SIM2: variants seen among roughly 807,000 people sequenced by gnomAD.
The protein encoded by SIM2 is single-minded homolog 2.
A neutral mutation model predicts 64.8 loss-of-function variants in SIM2; 28 were observed. That is an observed-to-expected ratio of 0.43 (90% confidence interval 0.32 to 0.59). SIM2 has a LOEUF of 0.59. Ranked by LOEUF, SIM2 falls within the 20% of genes least tolerant of loss-of-function variation. The pLI, the probability that SIM2 is intolerant of heterozygous loss-of-function variation, is 0.07. For missense variants in SIM2, 847 were observed against 871.4 expected, an observed-to-expected ratio of 0.97 and a Z score of 0.35; for synonymous variants, 408 against 391.1, an observed-to-expected ratio of 1.04 and a Z score of -0.51.
chr21:36,720,040 A>C, intron 4 of SIM2, 111 bp downstream of exon 4: 3 of 748,766 alleles, frequency 4.0e-6, no homozygotes, highest in Non-Finnish European at 7.0e-6. Flanking sequence ...CATGACTAGG[A>C]CTGCCCAGCC....
chr21:36,721,702 C>T (rs533350896), intron 4 of SIM2, among the ~76,000 whole-genome samples: 1 of 152,232 alleles, frequency 6.6e-6, no homozygotes, highest in East Asian at 1.9e-4. Flanking sequence ...TCCCAAAGTG[C>T]TGGGATTACA....
At chr21:36,712,229 A>T (rs185449147) in intron 2 of SIM2, among the ~76,000 whole-genome samples, 5 of 152,338 alleles carry the variant, frequency 3.3e-5, no homozygotes, top group Middle Eastern at 3.4e-3. Context: ...CCCAAACAAT[A>T]AAGCTACTAC....
At chr21:36,713,952 A>T (rs549900058) in intron 3 of SIM2, among the ~76,000 whole-genome samples, 1 of 152,346 alleles carries the variant, frequency 6.6e-6, no homozygotes, top group Admixed American at 6.5e-5. Context: ...AAGGCTTGGC[A>T]CTTGTGCCTA....
intron 9 of SIM2, 115 bp downstream of exon 9, chr21:36,743,670 G>A (rs1306313426): frequency 2.2e-5 from 22 of 1,016,456 alleles, no homozygotes; most frequent in South Asian, 1.1e-4. Context: ...TCTCCCTGCC[G>A]TGGAGCAAGG....
At chr21:36,731,235 T>C in intron 7 of SIM2, 84 bp downstream of exon 7, 1 of 924,410 alleles carries the variant, frequency 1.1e-6, no homozygotes. Context: ...CGTGTCCCTT[T>C]TGTTGGTGCA....
At chr21:36,700,303 T>C (rs368411049) in intron 1 of SIM2, among the ~76,000 whole-genome samples, 2 of 149,722 alleles carry the variant, frequency 1.3e-5, no homozygotes, top group African/African-American at 5.1e-5. Context: ...TTCTTTCCTT[T>C]CTTTCTTTCT....
intron 7 of SIM2, among the ~76,000 whole-genome samples, chr21:36,734,779 G>A (rs569630184): frequency 2.6e-5 from 4 of 152,184 alleles, no homozygotes; most frequent in Non-Finnish European, 5.9e-5. Context: ...CTTCAGAGTC[G>A]GGGTCTTCAT....
chr21:36,737,380 C>T (rs1401251487), intron 7 of SIM2, among the ~76,000 whole-genome samples: 2 of 152,128 alleles, frequency 1.3e-5, no homozygotes, highest in Non-Finnish European at 2.9e-5. Flanking sequence ...TCTGCCTCCC[C>T]GCTTTCTTTG....
At position 36,749,372 on chromosome 21, in the gene SIM2, G is replaced by GT. The variant is rs2089294757; in HGVS notation, c.*1284dup. On this transcript the variant is annotated 3_prime_UTR_variant, in exon 11 of 11. Coordinates refer to ENST00000290399, the MANE Select transcript of SIM2 (RefSeq NM_005069.6). ...TTTCCACCTTTCTGAATGGAAAGAGGTTTTCACAAATGTTTTAAACTCATC... is the reference window on the plus strand; with the variant it reads ...TTTCCACCTTTCTGAATGGAAAGAGGTTTTTCACAAATGTTTTAAACTCATC... 1 of 151,656 alleles carries GT rather than the reference G, an allele frequency of 6.6e-6. No individual in the cohort carries two copies. Among genetic ancestry groups the GT allele is most frequent in the African/African-American group, 2.4e-5 (1 of 41,200 alleles). The allele number at this position is 151,656 out of a possible 1,614,324, so 9.4% of individuals were successfully genotyped here.
intron 1 of SIM2, among the ~76,000 whole-genome samples, chr21:36,703,689 T>C (rs2088537974): frequency 6.6e-6 from 1 of 152,194 alleles, no homozygotes; most frequent in Non-Finnish European, 1.5e-5. Flanking sequence ...TGATGAGTCT[T>C]GGAGGGTGGT....
intron 3 of SIM2, among the ~76,000 whole-genome samples, chr21:36,716,524 T>C (rs552774664): frequency 1.3e-5 from 2 of 152,220 alleles, no homozygotes; most frequent in Non-Finnish European, 2.9e-5. Flanking sequence ...ATAATTATGT[T>C]TGTTGACATA....
chr21:36,704,068 G>A (rs188996948), intron 1 of SIM2, among the ~76,000 whole-genome samples: 224 of 152,356 alleles, frequency 1.5e-3, no homozygotes, highest in African/African-American at 5.3e-3. Flanking sequence ...GAGGGAGAAA[G>A]AATTGCTACT....
intron 3 of SIM2, among the ~76,000 whole-genome samples, chr21:36,716,035 G>T (rs1437691614): frequency 6.6e-6 from 1 of 152,216 alleles, no homozygotes; most frequent in Non-Finnish European, 1.5e-5. Flanking sequence ...GCAGTAGAGA[G>T]GCAGGCTTTC....
rs953189462 is a variant in SIM2 at position 36,699,161 on chromosome 21, C to T, written c.-586C>T. 1.3e-5 allele frequency: 2 copies of T among 151,620 alleles called. No homozygotes were observed. Among genetic ancestry groups the T allele is most frequent in the African/African-American group, 4.8e-5 (2 of 41,324 alleles). The allele number at this position is 151,620 out of a possible 1,614,324, so 9.4% of individuals were successfully genotyped here. On this transcript the variant is annotated 5_prime_UTR_variant, in exon 1 of 11. Coordinates refer to ENST00000290399, the MANE Select transcript of SIM2 (RefSeq NM_005069.6). The surrounding 1 kb of genome is among the most constrained non-coding windows in gnomAD (Gnocchi z 5.6). ...GCACGTGGACAGCGGAGGTGCTGCG[C>T]CTAGCCACACATCGCGGGCTCCGGC...
At chr21:36,737,009 C>T (rs563124352) in intron 7 of SIM2, among the ~76,000 whole-genome samples, 5 of 152,088 alleles carry the variant, frequency 3.3e-5, no homozygotes, top group Non-Finnish European at 7.4e-5. Context: ...TCACTCTAAC[C>T]TTGAACTTCT....
At chr21:36,702,752 G>A (rs561743986) in intron 1 of SIM2, among the ~76,000 whole-genome samples, 1 of 152,120 alleles carries the variant, frequency 6.6e-6, no homozygotes, top group East Asian at 1.9e-4. Context: ...GGGTCAGGGT[G>A]GTGGCCCTAG....
intron 5 of SIM2, among the ~76,000 whole-genome samples, chr21:36,725,707 C>G (rs922071541): frequency 6.6e-6 from 1 of 152,154 alleles, no homozygotes; most frequent in Non-Finnish European, 1.5e-5. Flanking sequence ...GCAACCCCCG[C>G]CTCCAGGGCT....
chr21:36,707,777 G>C (rs986573927), intron 1 of SIM2, among the ~76,000 whole-genome samples: 14 of 152,124 alleles, frequency 9.2e-5, no homozygotes, highest in African/African-American at 3.4e-4. Flanking sequence ...CGACTCCTCG[G>C]GAACCCACTC....
At chr21:36,708,618 G>A (rs1437846561) in intron 1 of SIM2, among the ~76,000 whole-genome samples, 3 of 152,224 alleles carry the variant, frequency 2.0e-5, no homozygotes, top group African/African-American at 7.2e-5. Flanking sequence ...GAGCTGGGAA[G>A]CCCAAGGGGT....
Sources: allele counts gnomAD v4.1 joint callset (sites outside exome capture counted in the v4.1 genomes callset), GRCh38; gene constraint gnomAD v4.1.1; non-coding constraint Gnocchi (gnomAD v3.1); transcripts MANE v1.5; gene names NCBI Gene and HGNC (gene_info 2026-07-23, HGNC 2026-07-21).